DPY19L2: variants seen among roughly 807,000 people sequenced by gnomAD.
The protein encoded by DPY19L2 is probable C-mannosyltransferase DPY19L2.
In DPY19L2, 34 loss-of-function variants were observed where a neutral mutation model predicts 97.9. The ratio of observed to expected loss-of-function variants is 0.35; its 90% CI spans 0.26 to 0.46. The LOEUF is 0.46. DPY19L2 is among the 20% of genes least tolerant of loss of function. The pLI, the probability that DPY19L2 is intolerant of heterozygous loss-of-function variation, is 1.00. For missense variants in DPY19L2, 623 were observed against 911.4 expected (o/e 0.68, Z 4.07); for synonymous variants, 230 against 307.9 (o/e 0.75, Z 2.65).
chr12:63,637,845 C>T (rs1053679594), intron 6 of DPY19L2, among the ~76,000 whole-genome samples: 1 of 152,118 alleles, frequency 6.6e-6, no homozygotes, highest in Non-Finnish European at 1.5e-5. Flanking sequence ...GGACTCCTCC[C>T]TAACTCATTT....
chr12:63,632,791 A>G (rs979312571), intron 6 of DPY19L2, among the ~76,000 whole-genome samples: 3 of 152,168 alleles, frequency 2.0e-5, no homozygotes, highest in African/African-American at 7.2e-5. Flanking sequence ...AGCTGGAGAC[A>G]TCACACTACC....
At chr12:63,593,195 C>T (rs1429659553) in intron 16 of DPY19L2, among the ~76,000 whole-genome samples, 1 of 152,156 alleles carries the variant, frequency 6.6e-6, no homozygotes, top group East Asian at 1.9e-4. Context: ...GTTGGTGGGA[C>T]TGTAAACTAG....
At chr12:63,617,152 T>TAAG (rs1887976625) in intron 11 of DPY19L2, 152 bp downstream of exon 11, 4 of 579,394 alleles carry the variant, frequency 6.9e-6, no homozygotes, top group Admixed American at 3.6e-5. Flanking sequence ...TTTTCAAGGA[T>TAAG]AAGACAGATA....
intron 2 of DPY19L2, among the ~76,000 whole-genome samples, chr12:63,665,536 A>G (rs1009417878): frequency 1.1e-4 from 17 of 151,974 alleles, no homozygotes; most frequent in Admixed American, 3.9e-4. Context: ...GGAAGGTTTT[A>G]AATGAACTAC....
chr12:63,635,727 A>C (rs1891555102), intron 6 of DPY19L2, among the ~76,000 whole-genome samples: 1 of 152,198 alleles, frequency 6.6e-6, no homozygotes, highest in African/African-American at 2.4e-5. Context: ...CGAGAGGAGA[A>C]GTTTAGAGTA....
At chr12:63,576,966 A>T (rs1214458376) in intron 19 of DPY19L2, among the ~76,000 whole-genome samples, 1 of 152,030 alleles carries the variant, frequency 6.6e-6, no homozygotes, top group African/African-American at 2.4e-5. Context: ...CAAAAGACCT[A>T]GAATAGCCAA....
At chr12:63,570,244 G>A (rs1489406375) in intron 20 of DPY19L2, among the ~76,000 whole-genome samples, 3 of 152,068 alleles carry the variant, frequency 2.0e-5, no homozygotes, top group Non-Finnish European at 2.9e-5. Flanking sequence ...TCTCATAATC[G>A]ACTAGTAAAA....
intron 16 of DPY19L2, among the ~76,000 whole-genome samples, chr12:63,585,287 G>T (rs1225791532): frequency 6.6e-6 from 1 of 152,094 alleles, no homozygotes; most frequent in East Asian, 1.9e-4. Flanking sequence ...GGATTTTGGG[G>T]GTGAAGAGAG....
At chr12:63,634,491 C>T (rs1045348060) in intron 6 of DPY19L2, among the ~76,000 whole-genome samples, 4 of 152,206 alleles carry the variant, frequency 2.6e-5, no homozygotes, top group Non-Finnish European at 5.9e-5. Context: ...GGCATCACCT[C>T]ACCCGGGAAG....
In DPY19L2 at chr12:63,660,219, T is replaced by C. The variant is rs560947665; in HGVS notation, c.588+1125A>G. On this transcript the variant is annotated intron_variant, in intron 4 of 21. Transcript: ENST00000324472. ...ATTGCACATATACAGAAGGAAACCA[T>C]ACAAAAGTGTACCTTTTAGATTACA... 5.9e-5 allele frequency among the ~76,000 whole-genome samples: 9 copies of C among 152,070 alleles called. No homozygotes were observed. In the South Asian group the frequency reaches 1.0e-3, roughly 18 times the overall value.
chr12:63,634,555 T>C (rs1480539033), intron 6 of DPY19L2, among the ~76,000 whole-genome samples: 2 of 152,110 alleles, frequency 1.3e-5, no homozygotes, highest in Non-Finnish European at 2.9e-5. Flanking sequence ...TGATAGACAG[T>C]ACCTGGAAAA....
At chr12:63,602,056 C>T (rs1202034002) in intron 12 of DPY19L2, among the ~76,000 whole-genome samples, 2 of 151,744 alleles carry the variant, frequency 1.3e-5, no homozygotes, top group East Asian at 3.9e-4. Flanking sequence ...TAATGAAATC[C>T]ACACCACTGA....
At chr12:63,650,655 T>G (rs1193191209) in intron 4 of DPY19L2, among the ~76,000 whole-genome samples, 1 of 151,972 alleles carries the variant, frequency 6.6e-6, no homozygotes, top group African/African-American at 2.4e-5. Flanking sequence ...ATCTCTACAA[T>G]GAGAATTACA....
rs1881113912 is a variant in DPY19L2 at position 63,582,541 on chromosome 12, A to G, written c.1606-16T>C. ...GAAAAGCCAGCTATAAAACACAAAT[A>G]AGACAAAATCACATTTTTACTTTTC... On this transcript the variant is annotated splice_polypyrimidine_tract_variant and intron_variant, in intron 17 of 21. Transcript: ENST00000324472. 6.2e-7 allele frequency: 1 copy of G among 1,601,842 alleles called. No homozygotes were observed. Among genetic ancestry groups the G allele is most frequent in the Non-Finnish European group, 8.5e-7 (1 of 1,176,124 alleles).
intron 6 of DPY19L2, among the ~76,000 whole-genome samples, chr12:63,641,847 A>T (rs1158907615): frequency 6.6e-6 from 1 of 152,146 alleles, no homozygotes; most frequent in Non-Finnish European, 1.5e-5. Context: ...GTTACAAGGT[A>T]TCTATATCTT....
At chr12:63,586,123 C>T (rs577519819) in intron 16 of DPY19L2, among the ~76,000 whole-genome samples, 1 of 152,228 alleles carries the variant, frequency 6.6e-6, no homozygotes, top group African/African-American at 2.4e-5. Context: ...CCCCTCCAAA[C>T]CTTATGAATT....
At chr12:63,624,590 T>C (rs1889221595) in intron 7 of DPY19L2, among the ~76,000 whole-genome samples, 1 of 152,092 alleles carries the variant, frequency 6.6e-6, no homozygotes, top group South Asian at 2.1e-4. Flanking sequence ...TGAATATAAA[T>C]ACACACTTCG....
chr12:63,592,066 A>C (rs1274518484), intron 16 of DPY19L2, among the ~76,000 whole-genome samples: 1 of 98,404 alleles, frequency 1.0e-5, no homozygotes, highest in South Asian at 3.6e-4. Context: ...AAGGGAAGGC[A>C]AGAGAAGACA....
In DPY19L2 at chr12:63,649,313, A is replaced by G. The variant is rs1893859851; in HGVS notation, c.589-1948T>C. ...CCAACCCGAAATCTAGCAGAAGACA[A>G]GAAATAACCAAATCAGAGATGAACT... On this transcript the variant is annotated intron_variant, in intron 4 of 21. Transcript: ENST00000324472. Among the ~76,000 whole-genome samples, 3 of 152,154 alleles carry G rather than the reference A, an allele frequency of 2.0e-5. No homozygotes were observed. The South Asian group carries it at 6.2e-4, about 31-fold the overall frequency.
Sources: gnomAD v4.1 joint callset for allele counts (sites outside exome capture counted in the v4.1 genomes callset) on GRCh38, gnomAD v4.1.1 for gene constraint, MANE v1.5 for transcripts, NCBI Gene and HGNC (gene_info 2026-07-23, HGNC 2026-07-21) for gene names.